The following COL28A1 variants were observed in gnomAD, a reference collection of about 807,000 sequenced individuals.
COL28A1 encodes the protein collagen type XXVIII alpha 1 chain.
In COL28A1, 161 loss-of-function variants were observed where a neutral mutation model predicts 150.2. The ratio of observed to expected loss-of-function variants is 1.07; its 90% CI spans 0.94 to 1.22. The LOEUF (loss-of-function observed/expected upper bound fraction) is 1.22. COL28A1 is among the 50% of genes most tolerant of loss of function. The pLI, the probability that COL28A1 is intolerant of heterozygous loss-of-function variation, is 0.00. For synonymous variants in COL28A1, 552 were observed against 469.7 expected (o/e 1.18, Z -2.26); for missense variants, 1,617 against 1,388.3 (o/e 1.16, Z -2.62).
downstream of COL28A1, among the ~76,000 whole-genome samples, chr7:7,352,001 T>G (rs1316741703): frequency 6.6e-6 from 1 of 152,168 alleles, no homozygotes; most frequent in Non-Finnish European, 1.5e-5. Flanking sequence ...ATATTTACAA[T>G]CTATTCTCTC....
At chr7:7,529,088 G>A (rs1027877494) in intron 3 of COL28A1, among the ~76,000 whole-genome samples, 2 of 151,906 alleles carry the variant, frequency 1.3e-5, no homozygotes, top group Non-Finnish European at 2.9e-5. Context: ...GATCACCTGA[G>A]GTCAGGAGTT....
chr7:7,528,012 G>A (rs1341358115), intron 3 of COL28A1, among the ~76,000 whole-genome samples: 1 of 152,124 alleles, frequency 6.6e-6, no homozygotes, highest in African/African-American at 2.4e-5. Context: ...TGAAAAAATG[G>A]AAAGTGATCA....
At chr7:7,446,903 G>C (rs1786304428) in intron 18 of COL28A1, among the ~76,000 whole-genome samples, 1 of 152,184 alleles carries the variant, frequency 6.6e-6, no homozygotes, top group African/African-American at 2.4e-5. Context: ...AGTATCTGCT[G>C]AGCATCCATC....
At position 7,373,047 on chromosome 7, in the gene COL28A1, A is replaced by T. The variant is rs1781319682; in HGVS notation, c.2859T>A (p.Ala953=). The T allele has an allele frequency of 6.2e-7, 1 of 1,614,192 alleles. No individual in the cohort carries two copies. Among genetic ancestry groups the T allele is most frequent in the East Asian group, 2.2e-5 (1 of 44,886 alleles). The change falls in exon 32 of 35, where the codon GCT becomes GCA. Residue 953 remains alanine (A), a synonymous_variant. Coordinates refer to ENST00000399429, the MANE Select transcript of COL28A1 (RefSeq NM_001037763.3). The surrounding 1 kb of genome is among the most constrained non-coding windows in gnomAD (Gnocchi z 4.1). ...ACTGGTAAACATGCTCTGGGTCAGT[A>T]GCAATTAGATTCATTTCTTTGTGGA... ...EIFHKEMNLI[A]TDPEHVYQFD...
chr7:7,396,989 A>T (rs1338535750), intron 27 of COL28A1, among the ~76,000 whole-genome samples: 1 of 152,188 alleles, frequency 6.6e-6, no homozygotes. Flanking sequence ...AACGGCTCCC[A>T]TGGAAATGTC....
At position 7,520,092 on chromosome 7, in the gene COL28A1, G is replaced by C. The variant is rs761066719; in HGVS notation, c.783C>G (p.Ile261Met). ...TTCCTTTTGGTCCTCGCTCACCTTT[G>C]ATACCTGGATTTCCATGTGTACCCT... ...GPPGTHGNPG[I>M]KGERGPKGNP... is the part of the protein sequence containing the mutation. Residue 261 changes from isoleucine (I) to methionine (M), a missense_variant, in exon 6 of 35, where the codon ATC becomes ATG. Transcript: ENST00000399429. 1 of 1,433,372 alleles carries C rather than the reference G, an allele frequency of 7.0e-7. No individual in the cohort carries two copies. Among genetic ancestry groups the C allele is most frequent in the South Asian group, 1.2e-5 (1 of 86,446 alleles). The allele number at this position is 1,433,372 out of a possible 1,614,324, so 88.8% of individuals were successfully genotyped here. A position where few individuals can be genotyped will look rare whatever the true frequency, so the allele number is the denominator to read the frequency against.
Position 7,452,365 on chromosome 7 carries a change from G to A in COL28A1, c.1463C>T (p.Pro488Leu), listed in dbSNP as rs148703211. ...TCCCACTGGTCCTCGAGGGCCTGTA[G>A]GTCCCATTTGGCCTACTTCTCCCTA... ...GSKGEVGQMG[P>L]TGPRGPVGIG... The change falls in exon 18 of 35, where the codon CCT (proline) becomes CTT (leucine). Residue 488 changes from proline to leucine, a missense_variant. Physicochemically the swap from Pro to Leu is moderately conservative, Grantham distance 98 (BLOSUM62 -3). Transcript: ENST00000399429. 9 of 1,603,038 alleles carry A rather than the reference G, an allele frequency of 5.6e-6. No homozygotes were observed. In the South Asian group the frequency reaches 7.9e-5, roughly 14 times the overall value.
In COL28A1 at chr7:7,429,470, GT is replaced by G. The variant is rs1289544443; in HGVS notation, c.1998+3002del. On this transcript the variant is annotated intron_variant, in intron 25 of 34. Coordinates refer to ENST00000399429, the MANE Select transcript of COL28A1 (RefSeq NM_001037763.3). ...CTTTCTCTCTGTGCTCTGTGTGTGTGTGTGGGGGGGGGGATGGTGTGTGTGT... is the reference window on the plus strand; with the variant it reads ...CTTTCTCTCTGTGCTCTGTGTGTGTGGTGGGGGGGGGGATGGTGTGTGTGT... Among the ~76,000 whole-genome samples, 82 of 131,554 alleles carry G rather than the reference GT, an allele frequency of 6.2e-4. 2 individuals are homozygous for G. The highest frequency in any genetic ancestry group is 2.0e-3 in the African/African-American group (61 of 30,424). The allele number at this position is 131,554 out of a possible 152,430, so 86.3% of individuals were successfully genotyped here. A position where few individuals can be genotyped will look rare whatever the true frequency, so the allele number is the denominator to read the frequency against.
intron 8 of COL28A1, chr7:7,511,533 C>G: frequency 3.4e-6 from 1 of 296,468 alleles, no homozygotes; most frequent in East Asian, 1.0e-4. Flanking sequence ...TTAAACTCAA[C>G]AAGATAATTT....
intron 25 of COL28A1, chr7:7,431,314 A>G (rs1000639069): frequency 6.5e-6 from 2 of 305,350 alleles, no homozygotes; most frequent in African/African-American, 4.4e-5. Flanking sequence ...ACATGAAGTT[A>G]GGAGGGAACA....
At chr7:7,413,715 T>A (rs189492600) in intron 27 of COL28A1, among the ~76,000 whole-genome samples, 1 of 152,246 alleles carries the variant, frequency 6.6e-6, no homozygotes, top group East Asian at 1.9e-4. Context: ...AACACACACA[T>A]TGTACTGTTA....
intron 13 of COL28A1, among the ~76,000 whole-genome samples, chr7:7,483,100 A>G (rs1168992746): frequency 6.6e-6 from 1 of 152,188 alleles, no homozygotes; most frequent in East Asian, 1.9e-4. Flanking sequence ...TGGATTTTAC[A>G]ATGGGTTGGT....
At chr7:7,527,543 G>A (rs537272208) in intron 3 of COL28A1, among the ~76,000 whole-genome samples, 1 of 152,312 alleles carries the variant, frequency 6.6e-6, no homozygotes, top group East Asian at 1.9e-4. Context: ...GAGGCCTTGG[G>A]AGGTGGCGAG....
At chr7:7,415,720 G>T (rs1443244405) in intron 27 of COL28A1, among the ~76,000 whole-genome samples, 1 of 151,912 alleles carries the variant, frequency 6.6e-6, no homozygotes, top group Non-Finnish European at 1.5e-5. Flanking sequence ...TTTTAGTAGA[G>T]ATGGGGTTTC....
At chr7:7,410,280 G>T (rs904046845) in intron 27 of COL28A1, among the ~76,000 whole-genome samples, 17 of 152,080 alleles carry the variant, frequency 1.1e-4, no homozygotes, top group African/African-American at 3.9e-4. Context: ...GTATAGAGAC[G>T]CTTTCAATGT....
intron 3 of COL28A1, among the ~76,000 whole-genome samples, chr7:7,530,882 T>C (rs1171687321): frequency 3.3e-5 from 5 of 151,852 alleles, no homozygotes; most frequent in Admixed American, 3.3e-4. Context: ...TGAGACAGAG[T>C]CAAAAATACT....
At chr7:7,432,785 G>A in intron 23 of COL28A1, 85 bp from the exon 24 acceptor site, 1 of 973,992 alleles carries the variant, frequency 1.0e-6, no homozygotes, top group Non-Finnish European at 1.7e-6. Flanking sequence ...AACTCAATAT[G>A]CCAACGGTCG....
rs1467741563 is a variant in COL28A1, at chr7:7,531,922, G to A, written c.125-18C>T. ...AATGGAGCCTGAAACAGAATAAACA[G>A]GTTAGGCAAAATAATTATTCCTATC... On this transcript the variant is annotated intron_variant, in intron 2 of 34. Coordinates refer to ENST00000399429, the MANE Select transcript of COL28A1 (RefSeq NM_001037763.3). 3 of 1,492,614 alleles carry A rather than the reference G, an allele frequency of 2.0e-6. No individual in the cohort carries two copies. Among genetic ancestry groups the A allele is most frequent in the East Asian group, 2.3e-5 (1 of 44,202 alleles). The allele number at this position is 1,492,614 out of a possible 1,614,324, so 92.5% of individuals were successfully genotyped here. A position where few individuals can be genotyped will look rare whatever the true frequency, so the allele number is the denominator to read the frequency against.
intron 13 of COL28A1, among the ~76,000 whole-genome samples, chr7:7,485,404 T>A (rs1779572935): frequency 6.6e-6 from 1 of 152,152 alleles, no homozygotes; most frequent in African/African-American, 2.4e-5. Flanking sequence ...TTTCTCCCAA[T>A]CAGCAGCTTG....
Sources: gnomAD v4.1 joint callset for allele counts (sites outside exome capture counted in the v4.1 genomes callset) on GRCh38, gnomAD v4.1.1 for gene constraint, Gnocchi (gnomAD v3.1) non-coding constraint, MANE v1.5 for transcripts, NCBI Gene and HGNC (gene_info 2026-07-23, HGNC 2026-07-21) for gene names.